Variants in LRRIQ3 observed in about 807,000 individuals in gnomAD.
LRRIQ3 encodes leucine rich repeats and IQ motif containing 3.
In LRRIQ3, 75 loss-of-function variants were observed where a neutral mutation model predicts 59.3. That is an observed-to-expected ratio of 1.26 (90% CI 1.05 to 1.53). The LOEUF is 1.53. LRRIQ3 is among the 40% of genes most tolerant of loss of function. LRRIQ3 has a pLI of 0.00. For synonymous variants in LRRIQ3, 250 were observed against 231.3 expected, an observed-to-expected ratio of 1.08 and a Z score of -0.73; for missense variants, 831 against 710.0, an observed-to-expected ratio of 1.17 and a Z score of -1.94.
chr1:74,081,891 T>C (rs1646276518), intron 5 of LRRIQ3: 1 of 151,542 alleles, frequency 6.6e-6, no homozygotes, highest in African/African-American at 2.4e-5. Context: ...CATTCTACTT[T>C]ATATCATAGT....
At chr1:74,152,603 T>G (rs1321083282) in intron 4 of LRRIQ3, among the ~76,000 whole-genome samples, 1 of 152,196 alleles carries the variant, frequency 6.6e-6, no homozygotes, top group Non-Finnish European at 1.5e-5. Flanking sequence ...CTGTGTTGGA[T>G]TAACATTTGG....
intron 4 of LRRIQ3, among the ~76,000 whole-genome samples, chr1:74,124,814 C>G (rs1438553943): frequency 6.6e-6 from 1 of 151,648 alleles, no homozygotes; most frequent in Non-Finnish European, 1.5e-5. Flanking sequence ...TTTTGTTCTT[C>G]TTGGTCAAGC....
chr1:74,141,446 A>G (rs982409358), intron 4 of LRRIQ3, among the ~76,000 whole-genome samples: 7 of 151,884 alleles, frequency 4.6e-5, no homozygotes, highest in Non-Finnish European at 1.0e-4. Flanking sequence ...AGAAAAAAAA[A>G]TCAGTTTGCC....
chr1:74,170,232 A>C (rs555968803), intron 3 of LRRIQ3, among the ~76,000 whole-genome samples: 1 of 152,146 alleles, frequency 6.6e-6, no homozygotes, highest in Non-Finnish European at 1.5e-5. Flanking sequence ...TTTTAGTGGG[A>C]TATTGGAGAA....
At chr1:74,059,622 C>A (rs1325212024) in intron 6 of LRRIQ3, among the ~76,000 whole-genome samples, 1 of 152,026 alleles carries the variant, frequency 6.6e-6, no homozygotes, top group Non-Finnish European at 1.5e-5. Flanking sequence ...AGTTTCAAAT[C>A]AGGAACTGTG....
chr1:74,038,785 C>CA (rs1653950702), intron 7 of LRRIQ3, among the ~76,000 whole-genome samples: 1 of 151,924 alleles, frequency 6.6e-6, no homozygotes, highest in Non-Finnish European at 1.5e-5. Flanking sequence ...ATAGCATCAG[C>CA]AAAAAAGAGT....
At chr1:74,158,027 G>A (rs1282733493) in intron 3 of LRRIQ3, among the ~76,000 whole-genome samples, 1 of 151,986 alleles carries the variant, frequency 6.6e-6, no homozygotes, top group Admixed American at 6.6e-5. Flanking sequence ...CAGAAACCCT[G>A]GAACCATCCT....
intron 4 of LRRIQ3, among the ~76,000 whole-genome samples, chr1:74,129,473 C>T (rs1646981305): frequency 6.6e-6 from 1 of 152,020 alleles, no homozygotes; most frequent in Non-Finnish European, 1.5e-5. Flanking sequence ...AGGACTCTCC[C>T]TTCAGTGAAG....
intron 1 of LRRIQ3, among the ~76,000 whole-genome samples, chr1:74,183,943 A>G (rs780923891): frequency 6.6e-6 from 1 of 152,028 alleles, no homozygotes; most frequent in Non-Finnish European, 1.5e-5. Flanking sequence ...TTCCATTTTC[A>G]TAGAATATTT....
At chr1:74,042,123 C>T (rs1453684614) in intron 6 of LRRIQ3, among the ~76,000 whole-genome samples, 190 bp from the exon 7 acceptor site, 2 of 152,070 alleles carry the variant, frequency 1.3e-5, no homozygotes, top group African/African-American at 4.8e-5. Context: ...AAAACATTTT[C>T]ACATAGAAAT....
chr1:74,150,571 T>C (rs1647867119), intron 4 of LRRIQ3, among the ~76,000 whole-genome samples: 1 of 152,128 alleles, frequency 6.6e-6, no homozygotes, highest in Admixed American at 6.5e-5. Flanking sequence ...AGTCTAAGTA[T>C]CTTAGACTTT....
intron 4 of LRRIQ3, among the ~76,000 whole-genome samples, chr1:74,142,488 T>C (rs563623876): frequency 5.8e-4 from 88 of 152,122 alleles, no homozygotes; most frequent in African/African-American, 2.0e-3. Flanking sequence ...AATGTGACTT[T>C]CTGACTTTGC....
chr1:74,172,808 T>C (rs1649406879), intron 3 of LRRIQ3, among the ~76,000 whole-genome samples: 1 of 152,204 alleles, frequency 6.6e-6, no homozygotes, highest in African/African-American at 2.4e-5. Context: ...CCTTTTATCA[T>C]TATTTGATGA....
Position 74,183,665 on chromosome 1 carries a change from G to A in LRRIQ3, c.20C>T (p.Thr7Ile), listed in dbSNP as rs1001156698. The change falls in exon 2 of 8, where the codon ACA (threonine) becomes ATA (isoleucine). Residue 7 changes from threonine (T) to isoleucine (I), a missense_variant. Thr to Ile is a moderately conservative substitution (Grantham distance 89, BLOSUM62 -1). Coordinates refer to ENST00000354431, the MANE Select transcript of LRRIQ3 (RefSeq NM_001105659.2). Reference sequence around the variant, plus strand: ...TTCTTCATGACTGGTTAGCTCTTCTGTGACTGTTCCATGAAACATCTAGGA... The same window carrying A: ...TTCTTCATGACTGGTTAGCTCTTCTATGACTGTTCCATGAAACATCTAGGA... MFHGTV[T>I]EELTSHEEWS... The A allele has an allele frequency of 7.6e-6, 12 of 1,585,042 alleles. No individual in the cohort carries two copies. Among genetic ancestry groups the A allele is most frequent in the Non-Finnish European group, 1.0e-5 (12 of 1,167,358 alleles).
At chr1:74,083,211 C>G (rs1485636666) in intron 5 of LRRIQ3, 1 of 151,684 alleles carries the variant, frequency 6.6e-6, no homozygotes, top group Non-Finnish European at 1.5e-5. Context: ...AATTCTACAG[C>G]CTCAGTACAA....
At chr1:74,047,913 A>T (rs952112276) in intron 6 of LRRIQ3, among the ~76,000 whole-genome samples, 37 of 152,168 alleles carry the variant, frequency 2.4e-4, no homozygotes, top group South Asian at 4.1e-4. Flanking sequence ...TGATTGAATC[A>T]GGTTAGTGTT....
intron 6 of LRRIQ3, among the ~76,000 whole-genome samples, chr1:74,049,781 C>T (rs1346404456): frequency 1.3e-5 from 2 of 152,008 alleles, no homozygotes; most frequent in African/African-American, 4.8e-5. Context: ...TCATTTAAAA[C>T]TTTCACTAAT....
intron 6 of LRRIQ3, among the ~76,000 whole-genome samples, chr1:74,056,527 C>T (rs1238622419): frequency 6.6e-6 from 1 of 152,040 alleles, no homozygotes; most frequent in Non-Finnish European, 1.5e-5. Context: ...AAGTTGCAGA[C>T]ACAAAATCAA....
At chr1:74,118,948 T>C (rs948836551) in intron 4 of LRRIQ3, among the ~76,000 whole-genome samples, 5 of 152,134 alleles carry the variant, frequency 3.3e-5, no homozygotes, top group South Asian at 2.1e-4. Flanking sequence ...ACCCACATTA[T>C]GGAGGGTAAT....
Sources: gnomAD v4.1 joint callset for allele counts (sites outside exome capture counted in the v4.1 genomes callset) on GRCh38, gnomAD v4.1.1 for gene constraint, MANE v1.5 for transcripts, NCBI Gene and HGNC (gene_info 2026-07-23, HGNC 2026-07-21) for gene names.